The following GIT2 variants were observed in gnomAD, a reference collection of about 807,000 sequenced individuals.
GIT2 encodes the protein GIT ArfGAP 2, also known as ARF GTPase-activating protein GIT2.
Under a neutral mutation model 100.3 loss-of-function variants are expected in GIT2, and 32 were observed. The ratio of observed to expected loss-of-function variants is 0.32; its 90% CI spans 0.24 to 0.43. The LOEUF (loss-of-function observed/expected upper bound fraction) is 0.43, where lower values mean the gene tolerates loss of function less well. Among genes scored for constraint, GIT2 ranks in the 20% least tolerant of loss-of-function variants. GIT2 has a pLI of 1.00. For synonymous variants in GIT2, 353 were observed against 364.1 expected, an observed-to-expected ratio of 0.97 and a Z score of 0.35; for missense variants, 737 against 975.1, an observed-to-expected ratio of 0.76 and a Z score of 3.25.
In GIT2 at chr12:109,934,293, C is replaced by T. The variant is rs1592933068; in HGVS notation, c.2004-208G>A. 1 of 576,852 alleles carries T rather than the reference C, an allele frequency of 1.7e-6. No individual in the cohort carries two copies. The highest frequency in any genetic ancestry group is 1.9e-5 in the African/African-American group (1 of 53,610). 35.7% of individuals were successfully genotyped at this position (576,852 alleles called of 1,614,324 possible). On this transcript the variant is annotated intron_variant, in intron 18 of 19. Coordinates refer to ENST00000355312, the MANE Select transcript of GIT2 (RefSeq NM_057169.5). The surrounding 1 kb of genome is among the most constrained non-coding windows in gnomAD (Gnocchi z 4.5). Reference sequence around the variant, plus strand: ...AAAAGTTCAATCTGATGAAAAGTCTCCAGGTATGAAATATGGCAACATACA... The same window carrying T: ...AAAAGTTCAATCTGATGAAAAGTCTTCAGGTATGAAATATGGCAACATACA...
chr12:109,978,126 A>C (rs1343754320), intron 7 of GIT2, among the ~76,000 whole-genome samples: 1 of 122,238 alleles, frequency 8.2e-6, no homozygotes, highest in Non-Finnish European at 1.6e-5. Context: ...TCTGTTGCCC[A>C]GGTTGGAGTG....
intron 12 of GIT2, among the ~76,000 whole-genome samples, chr12:109,958,019 A>G (rs1033234129): frequency 4.0e-5 from 6 of 151,414 alleles, no homozygotes; most frequent in African/African-American, 7.3e-5. Context: ...ATCTTGGCTC[A>G]CTGCAAGCTC....
At chr12:109,935,277 C>T (rs1872665824) in intron 18 of GIT2, among the ~76,000 whole-genome samples, 1 of 152,214 alleles carries the variant, frequency 6.6e-6, no homozygotes, top group Non-Finnish European at 1.5e-5. Context: ...AACAACCTAT[C>T]TGGTCACACA....
intron 7 of GIT2, among the ~76,000 whole-genome samples, chr12:109,972,304 T>C (rs934948133): frequency 1.3e-5 from 2 of 152,206 alleles, no homozygotes; most frequent in African/African-American, 2.4e-5. Context: ...CATCATTAAA[T>C]AGATACTGTT....
At chr12:109,998,613 A>G (rs1432869199), upstream of GIT2, 1 of 152,226 alleles carries the variant, frequency 6.6e-6, no homozygotes, top group East Asian at 1.9e-4. Context: ...TCAAATATGT[A>G]TATTATTTAT....
At position 109,933,582 on chromosome 12, in the gene GIT2, T is replaced by C. The variant is rs573943255; in HGVS notation, c.2068-392A>G. On this transcript the variant is annotated intron_variant, in intron 19 of 19. Coordinates refer to ENST00000355312, the MANE Select transcript of GIT2 (RefSeq NM_057169.5). The surrounding 1 kb of genome is among the most constrained non-coding windows in gnomAD (Gnocchi z 4.5). ...AGAACAAAAATATTTCAAAGCTCTA[T>C]ACGACTGCATATTTTATTTTATTTT... 8 of 219,496 alleles carry C rather than the reference T, an allele frequency of 3.6e-5. No individual in the cohort carries two copies. Among genetic ancestry groups the C allele is most frequent in the Non-Finnish European group, 6.4e-5 (7 of 109,820 alleles). 13.6% of individuals were successfully genotyped at this position (219,496 alleles called of 1,614,324 possible). A position where few individuals can be genotyped will look rare whatever the true frequency, so the allele number is the denominator to read the frequency against.
chr12:109,967,640 C>A, intron 7 of GIT2, 137 bp from the exon 8 acceptor site: 2 of 665,228 alleles, frequency 3.0e-6, no homozygotes, highest in South Asian at 1.8e-5. Flanking sequence ...GCTAGACTAG[C>A]TAAAAATTCC....
chr12:109,967,197 C>T (rs1322062720), intron 8 of GIT2: 4 of 692,448 alleles, frequency 5.8e-6, no homozygotes, highest in African/African-American at 1.8e-5. Context: ...TAAATAAATA[C>T]AAAATACTGT....
At chr12:109,992,954 G>C (rs984929620) in intron 1 of GIT2, among the ~76,000 whole-genome samples, 2 of 151,750 alleles carry the variant, frequency 1.3e-5, no homozygotes, top group South Asian at 4.2e-4. Flanking sequence ...TTACAGGCTT[G>C]AGCCACTGTG....
At chr12:109,991,320 A>C (rs1490087477) in intron 2 of GIT2, among the ~76,000 whole-genome samples, 1 of 152,112 alleles carries the variant, frequency 6.6e-6, no homozygotes, top group East Asian at 1.9e-4. Context: ...AAAAAAAAAA[A>C]AAAAACATTT....
In GIT2 at chr12:109,962,865, G is replaced by A. The variant is rs1374718175; in HGVS notation, c.817-1180C>T. ...AAAATGCTGGCTACAGGCTGGGTGTGGTGGCTCATGCCTATAATCCCAACA... is the reference window on the plus strand; with the variant it reads ...AAAATGCTGGCTACAGGCTGGGTGTAGTGGCTCATGCCTATAATCCCAACA... On this transcript the variant is annotated intron_variant, in intron 9 of 19. Transcript: ENST00000355312. The surrounding 1 kb of genome is among the most constrained non-coding windows in gnomAD (Gnocchi z 4.3). Among the ~76,000 whole-genome samples the A allele has an allele frequency of 6.6e-6, 1 of 152,186 alleles. No homozygotes were observed. Among genetic ancestry groups the A allele is most frequent in the Non-Finnish European group, 1.5e-5 (1 of 68,038 alleles).
chr12:109,934,741 C>T lies in GIT2; in HGVS notation c.2004-656G>A, dbSNP rs7968830. 0.19 allele frequency among the ~76,000 whole-genome samples: 28,620 copies of T among 152,088 alleles called. 4,962 individuals carry two copies. The highest frequency in any genetic ancestry group is 0.47 in the African/African-American group (19,359 of 41,454). On this transcript the variant is annotated intron_variant, in intron 18 of 19. Transcript: ENST00000355312. This position sits in a 1 kb window ranked among gnomAD's most constrained non-coding sequence, Gnocchi z 4.5. ...AATAGATTGTCATAAGCAACTTATG[C>T]ACTTCACCTTTGTAACAAGTCTAGT... is the stretch of plus-strand genomic sequence containing the variant.
chr12:109,968,519 G>C (rs981434726), intron 7 of GIT2, among the ~76,000 whole-genome samples: 2 of 152,166 alleles, frequency 1.3e-5, no homozygotes, highest in Non-Finnish European at 2.9e-5. Context: ...CGCCTCCTGG[G>C]TTCAAGCGAT....
intron 7 of GIT2, among the ~76,000 whole-genome samples, chr12:109,968,620 T>C (rs573588135): frequency 1.3e-5 from 2 of 152,102 alleles, no homozygotes; most frequent in Non-Finnish European, 2.9e-5. Context: ...ATGGGGTTTC[T>C]CCACGTTGGT....
chr12:109,939,175 C>T lies in GIT2; in HGVS notation c.1804G>A (p.Asp602Asn). The T allele has an allele frequency of 6.2e-7, 1 of 1,606,312 alleles. No individual in the cohort carries two copies. The highest frequency in any genetic ancestry group is 8.5e-7 in the Non-Finnish European group (1 of 1,173,038). ...GTCCTGTGCATGTACCCCATGCCAT[C>T]TGGCTCCATGTCGTTGGGAGTGTTG... is the stretch of plus-strand genomic sequence containing the variant. The part of the protein sequence containing the change: ...YDNTPNDMEP[D>N]GMGSSRKGRQ... Residue 602 changes from aspartate to asparagine, a missense_variant, in exon 17 of 20, where the codon GAT (aspartate) becomes AAT (asparagine). Physicochemically the swap from Asp to Asn is conservative, Grantham distance 23 (BLOSUM62 1). Around this residue, in one of 3 missense-constraint regions of GIT2, gnomAD observed 451 missense variants for 543.7 expected, o/e 0.83. Transcript: ENST00000355312.
chr12:109,977,263 G>A (rs1306788549), intron 7 of GIT2, among the ~76,000 whole-genome samples: 7 of 152,238 alleles, frequency 4.6e-5, no homozygotes, highest in Non-Finnish European at 7.4e-5. Context: ...GCTCATGCCT[G>A]TAATCGGGAG....
intron 8 of GIT2, among the ~76,000 whole-genome samples, chr12:109,967,005 C>A (rs1882659782): frequency 6.6e-6 from 1 of 152,154 alleles, no homozygotes; most frequent in African/African-American, 2.4e-5. Flanking sequence ...AATAGACACA[C>A]CCATTCATTT....
intron 16 of GIT2, among the ~76,000 whole-genome samples, chr12:109,941,029 T>C (rs2136186417): frequency 6.6e-6 from 1 of 152,198 alleles, no homozygotes; most frequent in Middle Eastern, 3.4e-3. Flanking sequence ...GCCCCCCTTA[T>C]TCACACCACA....
rs1872294292 is a variant in GIT2, at chr12:109,933,955, G to C, written c.2067+67C>G. 4.6e-6 allele frequency: 4 copies of C among 866,352 alleles called. No individual in the cohort carries two copies. The highest frequency in any genetic ancestry group is 1.7e-5 in the African/African-American group (1 of 60,604). The allele number at this position is 866,352 out of a possible 1,614,324, so 53.7% of individuals were successfully genotyped here. The stretch of plus-strand genomic sequence containing the variant: ...TACAAAAAAGCTAATGTAATATATA[G>C]GTCATAAAGAAATTTCTTGCTGTTC... On this transcript the variant is annotated intron_variant, in intron 19 of 19. Transcript: ENST00000355312. This position sits in a 1 kb window ranked among gnomAD's most constrained non-coding sequence, Gnocchi z 4.5.
Sources: gnomAD v4.1 joint callset for allele counts (sites outside exome capture counted in the v4.1 genomes callset) on GRCh38, gnomAD v4.1.1 for gene constraint, gnomAD v4.1.1 regional missense constraint, Gnocchi (gnomAD v3.1) non-coding constraint, MANE v1.5 for transcripts, NCBI Gene and HGNC (gene_info 2026-07-23, HGNC 2026-07-21) for gene names.